The following PRRC2B variants were observed in gnomAD, a reference collection of about 807,000 sequenced individuals.
The protein encoded by PRRC2B is protein PRRC2B.
A neutral mutation model predicts 242.3 loss-of-function variants in PRRC2B; 68 were observed. The ratio of observed to expected loss-of-function variants is 0.28; its 90% CI spans 0.23 to 0.34. The LOEUF (loss-of-function observed/expected upper bound fraction) is 0.34. Ranked by LOEUF, PRRC2B falls within the 10% of genes least tolerant of loss-of-function variation. The probability of loss-of-function intolerance (pLI) is 1.00; values close to 1 mark genes in which losing one functional copy is unlikely to be tolerated. For synonymous variants in PRRC2B, 1,228 were observed against 1,173.6 expected (o/e 1.05, Z -0.95); for missense variants, 2,835 against 2,954.8 (o/e 0.96, Z 0.94).
At chr9:131,383,978 G>A (rs1836795583) in intron 1 of PRRC2B, among the ~76,000 whole-genome samples, 1 of 151,774 alleles carries the variant, frequency 6.6e-6, no homozygotes, top group African/African-American at 2.4e-5. Context: ...GAGTCCAGTG[G>A]CACAGTCATG....
In PRRC2B at chr9:131,473,734, A is replaced by G. The variant is rs1197071480; in HGVS notation, c.2324+10A>G. 1.2e-6 allele frequency: 2 copies of G among 1,608,180 alleles called. No individual in the cohort carries two copies. Among genetic ancestry groups the G allele is most frequent in the South Asian group, 2.2e-5 (2 of 90,462 alleles). ...TGGACATGCGTGTCAGGTGAGATGA[A>G]GCCTGGTCCTGCTGCCTTGCCACTG... On this transcript the variant is annotated intron_variant, in intron 15 of 31. Transcript: ENST00000683519.
intron 14 of PRRC2B, among the ~76,000 whole-genome samples, chr9:131,472,177 G>C (rs938215125): frequency 6.6e-6 from 1 of 152,084 alleles, no homozygotes; most frequent in Non-Finnish European, 1.5e-5. Flanking sequence ...TTTACTGTTA[G>C]CCTCTTTGAG....
chr9:131,473,906 C>T (rs911932305), intron 15 of PRRC2B, among the ~76,000 whole-genome samples, 182 bp downstream of exon 15: 1 of 152,100 alleles, frequency 6.6e-6, no homozygotes, highest in Non-Finnish European at 1.5e-5. Flanking sequence ...ATGCTTTGTC[C>T]AAGAGGCTCT....
At chr9:131,390,855 C>T (rs1387206055), upstream of PRRC2B, among the ~76,000 whole-genome samples, 4 of 141,120 alleles carry the variant, frequency 2.8e-5, no homozygotes, top group South Asian at 2.3e-4. Context: ...GGTGCAATCT[C>T]GGCTCACTGC....
At chr9:131,415,498 G>C (rs1175968429) in intron 1 of PRRC2B, among the ~76,000 whole-genome samples, 1 of 152,232 alleles carries the variant, frequency 6.6e-6, no homozygotes, top group Non-Finnish European at 1.5e-5. Flanking sequence ...TAACTGCTGG[G>C]TAGGCAGACA....
At chr9:131,402,892 T>C (rs1837262091) in intron 1 of PRRC2B, among the ~76,000 whole-genome samples, 1 of 152,204 alleles carries the variant, frequency 6.6e-6, no homozygotes, top group Non-Finnish European at 1.5e-5. Context: ...CATTCTTGTA[T>C]GGCCAGTGGC....
chr9:131,485,876 C>T (rs1031926503), intron 25 of PRRC2B: 3 of 721,362 alleles, frequency 4.2e-6, no homozygotes, highest in Non-Finnish European at 5.1e-6. Flanking sequence ...ACGCTGCACC[C>T]TCCCTACGTT....
rs902669112 is a variant in PRRC2B, at chr9:131,486,626, T to C, written c.5856+444T>C. The C allele has an allele frequency of 2.7e-5, 21 of 776,244 alleles. No homozygotes were observed. In the African/African-American group the frequency reaches 4.0e-4, roughly 15 times the overall value. 48.1% of individuals were successfully genotyped at this position (776,244 alleles called of 1,614,324 possible). ...TGCCAAGGGGTGATTTTTGGAAGTC[T>C]CCCCTCTAATGCTGGTGCTGGGCCT... On this transcript the variant is annotated intron_variant, in intron 26 of 31. Coordinates refer to ENST00000683519, the MANE Select transcript of PRRC2B (RefSeq NM_013318.4).
upstream of PRRC2B, among the ~76,000 whole-genome samples, chr9:131,393,664 A>G (rs1181528794): frequency 6.6e-6 from 1 of 152,048 alleles, no homozygotes; most frequent in African/African-American, 2.4e-5. Flanking sequence ...GGGGGCGGAG[A>G]TCCGGGCTCG....
intron 1 of PRRC2B, among the ~76,000 whole-genome samples, chr9:131,395,121 C>G (rs1026877189): frequency 6.6e-6 from 1 of 151,750 alleles, no homozygotes; most frequent in Admixed American, 6.6e-5. Context: ...GGTCGGAGCC[C>G]ACCTTTAGGC....
intron 2 of PRRC2B, among the ~76,000 whole-genome samples, chr9:131,432,333 C>A (rs1588247117): frequency 1.3e-5 from 2 of 152,108 alleles, no homozygotes; most frequent in Non-Finnish European, 2.9e-5. Context: ...TCTCCTCACC[C>A]ATGTTGTAAA....
Position 131,467,612 on chromosome 9 carries a change from G to A in PRRC2B, c.1770G>A (p.Glu590=). The stretch of plus-strand genomic sequence containing the variant: ...AGACCCCCACCACATTCCCAGAAGA[G>A]GCACCCACAGTGTCCCCAGCAGTGG... ...AQETPTTFPE[E]APTVSPAVAQ... Residue 590 remains glutamate (E), a synonymous_variant, in exon 13 of 32, where the codon GAG becomes GAA. Transcript: ENST00000683519. The A allele has an allele frequency of 6.2e-7, 1 of 1,613,386 alleles. No homozygotes were observed. The highest frequency in any genetic ancestry group is 1.1e-5 in the South Asian group (1 of 90,982).
At chr9:131,443,881 A>G (rs1189094595) in intron 5 of PRRC2B, among the ~76,000 whole-genome samples, 1 of 152,194 alleles carries the variant, frequency 6.6e-6, no homozygotes, top group Non-Finnish European at 1.5e-5. Context: ...CCAGGCAGTC[A>G]GTAGAACCTT....
chr9:131,434,544 A>G (rs1838280423), intron 3 of PRRC2B, among the ~76,000 whole-genome samples: 1 of 152,274 alleles, frequency 6.6e-6, no homozygotes, highest in Non-Finnish European at 1.5e-5. Context: ...TTTGGAGAAC[A>G]CAAAAGTGCG....
chr9:131,489,754 G>T (rs558391203), intron 28 of PRRC2B, among the ~76,000 whole-genome samples: 4 of 152,154 alleles, frequency 2.6e-5, no homozygotes, highest in African/African-American at 7.2e-5. Context: ...CCCCTGGGGG[G>T]CCCTGCCCCA....
At chr9:131,379,475 GATGGCC>G (rs1416150371) in intron 1 of PRRC2B, among the ~76,000 whole-genome samples, 1 of 152,068 alleles carries the variant, frequency 6.6e-6, no homozygotes, top group African/African-American at 2.4e-5. Context: ...TTTTTTGGAT[GATGGCC>G]ATGCTAGTGG....
At chr9:131,432,527 T>G in intron 2 of PRRC2B, 90 bp from the exon 3 acceptor site, 3 of 1,263,284 alleles carry the variant, frequency 2.4e-6, no homozygotes, top group Non-Finnish European at 3.3e-6. Flanking sequence ...TATGATCACT[T>G]AGAGATTGAA....
chr9:131,447,916 A>T, intron 9 of PRRC2B, 112 bp downstream of exon 9: 2 of 1,211,312 alleles, frequency 1.7e-6, no homozygotes, highest in Non-Finnish European at 2.2e-6. Flanking sequence ...CAAGATAGGG[A>T]TGAAGAGCCG....
intron 9 of PRRC2B, among the ~76,000 whole-genome samples, chr9:131,453,703 C>G (rs1942990910): frequency 6.6e-6 from 1 of 152,102 alleles, no homozygotes; most frequent in Admixed American, 6.6e-5. Flanking sequence ...GGCTACTTTT[C>G]TGTATTTTTA....
Sources: allele counts gnomAD v4.1 joint callset (sites outside exome capture counted in the v4.1 genomes callset), GRCh38; gene constraint gnomAD v4.1.1; transcripts MANE v1.5; gene names NCBI Gene and HGNC (gene_info 2026-07-23, HGNC 2026-07-21).